The following BMERB1 variants were observed in gnomAD, a reference collection of about 807,000 sequenced individuals.
BMERB1 encodes the protein bMERB domain containing 1, also known as bMERB domain-containing protein 1.
In BMERB1, 12 loss-of-function variants were observed where a neutral mutation model predicts 23.6. That is an observed-to-expected ratio of 0.51 (90% CI 0.33 to 0.82). BMERB1 has a LOEUF of 0.82. BMERB1 is among the 40% of genes least tolerant of loss of function. The pLI is 0.03. For missense variants in BMERB1, 247 were observed against 255.4 expected (o/e 0.97, Z 0.22); for synonymous variants, 122 against 96.6 (o/e 1.26, Z -1.54).
intron 2 of BMERB1, among the ~76,000 whole-genome samples, chr16:15,555,832 T>C (rs1238631869): frequency 6.6e-6 from 1 of 152,140 alleles, no homozygotes; most frequent in East Asian, 1.9e-4. Context: ...CTACGAAAGC[T>C]GAACCAATGC....
chr16:15,483,091 A>G (rs1334182062), intron 1 of BMERB1, among the ~76,000 whole-genome samples: 1 of 152,164 alleles, frequency 6.6e-6, no homozygotes, highest in African/African-American at 2.4e-5. Context: ...TTACTTTCCC[A>G]TATCCTGCCT....
At position 15,581,351 on chromosome 16, in the gene BMERB1, C is replaced by G. The variant is rs1567507512; in HGVS notation, c.419+20C>G. ...GTTAAGGTGAGTGCACTGCGGGTACCCGATCACTGGGCTGCAGGACAGCAA... is the reference window on the plus strand; with the variant it reads ...GTTAAGGTGAGTGCACTGCGGGTACGCGATCACTGGGCTGCAGGACAGCAA... On this transcript the variant is annotated intron_variant, in intron 4 of 5. Coordinates refer to ENST00000300006, the MANE Select transcript of BMERB1 (RefSeq NM_033201.3). The G allele has an allele frequency of 1.3e-6, 2 of 1,594,370 alleles. No individual in the cohort carries two copies. Among genetic ancestry groups the G allele is most frequent in the Non-Finnish European group, 1.7e-6 (2 of 1,164,368 alleles).
intron 1 of BMERB1, among the ~76,000 whole-genome samples, chr16:15,461,805 G>A (rs1266288422): frequency 6.6e-6 from 1 of 151,982 alleles, no homozygotes; most frequent in Non-Finnish European, 1.5e-5. Flanking sequence ...GTGGTTGTGT[G>A]CACCTGTAGT....
chr16:15,544,536 T>G (rs2052114234), intron 2 of BMERB1, among the ~76,000 whole-genome samples: 1 of 152,188 alleles, frequency 6.6e-6, no homozygotes, highest in Non-Finnish European at 1.5e-5. Flanking sequence ...TATAAATTAC[T>G]TCCTACACTG....
intron 2 of BMERB1, among the ~76,000 whole-genome samples, chr16:15,566,849 A>G (rs1446688002): frequency 2.0e-5 from 3 of 152,096 alleles, no homozygotes; most frequent in African/African-American, 4.8e-5. Context: ...TGCAATAACA[A>G]TGGTGTCATA....
intron 2 of BMERB1, among the ~76,000 whole-genome samples, chr16:15,519,085 A>ACACACACG (rs1555510679): frequency 4.8e-4 from 69 of 142,752 alleles, no homozygotes; most frequent in African/African-American, 2.0e-3. Context: ...ACACACACAC[A>ACACACACG]CACACACACA....
At chr16:15,533,889 A>C (rs1221082711) in intron 2 of BMERB1, among the ~76,000 whole-genome samples, 1 of 152,058 alleles carries the variant, frequency 6.6e-6, no homozygotes, top group African/African-American at 2.4e-5. Context: ...CCTTGGAGAA[A>C]TACCTCCCAC....
intron 2 of BMERB1, among the ~76,000 whole-genome samples, chr16:15,530,465 G>C (rs766501795): frequency 2.6e-5 from 4 of 152,200 alleles, no homozygotes; most frequent in Admixed American, 2.0e-4. Flanking sequence ...CTGGAGTGCA[G>C]TGACACGGTC....
intron 2 of BMERB1, among the ~76,000 whole-genome samples, chr16:15,566,878 C>T (rs957391725): frequency 3.3e-5 from 5 of 151,694 alleles, no homozygotes; most frequent in Non-Finnish European, 5.9e-5. Context: ...TATAAGCATA[C>T]GCTTTTTTTT....
intron 1 of BMERB1, among the ~76,000 whole-genome samples, chr16:15,448,369 G>C (rs2051009326): frequency 1.3e-5 from 2 of 152,158 alleles, no homozygotes; most frequent in South Asian, 4.1e-4. Flanking sequence ...GAAAGAAGGG[G>C]CTGATCAGAA....
In BMERB1 at chr16:15,483,298, G is replaced by A. The variant is rs140876362; in HGVS notation, c.107-32007G>A. On this transcript the variant is annotated intron_variant, in intron 1 of 5. Transcript: ENST00000300006. ...ACATGGAATGATACATTCTTCTAAA[G>A]AAATGTTCTGTGTTTCTATGCTCTT... Among the ~76,000 whole-genome samples the A allele has an allele frequency of 2.6e-3, 399 of 152,286 alleles. 1 individual carries two copies. The highest frequency in any genetic ancestry group is 9.1e-3 in the African/African-American group (379 of 41,568).
intron 1 of BMERB1, among the ~76,000 whole-genome samples, chr16:15,463,052 CAGAG>C (rs973349444): frequency 6.6e-6 from 1 of 151,794 alleles, no homozygotes; most frequent in African/African-American, 2.4e-5. Context: ...AATGATCTGT[CAGAG>C]AGAGAACATT....
chr16:15,556,073 G>A (rs2030248660), intron 2 of BMERB1, among the ~76,000 whole-genome samples: 1 of 152,000 alleles, frequency 6.6e-6, no homozygotes. Context: ...CAGCTACTTG[G>A]GAGGCTGAGG....
At chr16:15,446,090 C>A (rs991184912) in intron 1 of BMERB1, among the ~76,000 whole-genome samples, 2 of 152,016 alleles carry the variant, frequency 1.3e-5, no homozygotes, top group African/African-American at 4.8e-5. Flanking sequence ...TCTAACTCTA[C>A]AAAAATAAAA....
intron 3 of BMERB1, among the ~76,000 whole-genome samples, chr16:15,572,620 G>T (rs1360526147): frequency 6.6e-6 from 1 of 152,182 alleles, no homozygotes; most frequent in East Asian, 1.9e-4. Flanking sequence ...AACAACGAAG[G>T]AATGAGGGAA....
At chr16:15,480,614 T>C (rs1230202165) in intron 1 of BMERB1, among the ~76,000 whole-genome samples, 1 of 128,342 alleles carries the variant, frequency 7.8e-6, no homozygotes, top group East Asian at 2.3e-4. Flanking sequence ...GTCTTTTTTT[T>C]TTTTTTTTTT....
intron 2 of BMERB1, among the ~76,000 whole-genome samples, chr16:15,559,195 C>T (rs1364582172): frequency 6.6e-6 from 1 of 152,152 alleles, no homozygotes; most frequent in African/African-American, 2.4e-5. Context: ...TGTTCTCTTA[C>T]ATTTCATTGG....
At chr16:15,584,761 T>G (rs1198826434) in intron 5 of BMERB1, among the ~76,000 whole-genome samples, 2 of 152,116 alleles carry the variant, frequency 1.3e-5, no homozygotes, top group Non-Finnish European at 2.9e-5. Flanking sequence ...ACAGGCCTTC[T>G]CCATGGGACC....
chr16:15,563,566 C>G (rs960495097), intron 2 of BMERB1, among the ~76,000 whole-genome samples: 4 of 152,036 alleles, frequency 2.6e-5, no homozygotes, highest in African/African-American at 9.7e-5. Context: ...GTAATTTATA[C>G]AGAAAAGAAG....
Sources: allele counts gnomAD v4.1 joint callset (sites outside exome capture counted in the v4.1 genomes callset), GRCh38; gene constraint gnomAD v4.1.1; transcripts MANE v1.5; gene names NCBI Gene and HGNC (gene_info 2026-07-23, HGNC 2026-07-21).